The following SPIDR variants were observed in gnomAD, a reference collection of about 807,000 sequenced individuals.
SPIDR encodes scaffold protein involved in DNA repair.
A neutral mutation model predicts 104.6 loss-of-function variants in SPIDR; 93 were observed. That is an observed-to-expected ratio of 0.89 (90% CI 0.75 to 1.06). SPIDR has a LOEUF of 1.06. Ranked by LOEUF, SPIDR falls within the 50% of genes least tolerant of loss-of-function variation. SPIDR has a pLI of 0.00. For missense variants in SPIDR, 1,154 were observed against 1,111.2 expected (o/e 1.04, Z -0.55); for synonymous variants, 431 against 416.9 (o/e 1.03, Z -0.41).
intron 10 of SPIDR, among the ~76,000 whole-genome samples, chr8:47,617,102 T>G (rs1360492086): frequency 6.6e-6 from 1 of 152,232 alleles, no homozygotes; most frequent in Non-Finnish European, 1.5e-5. Flanking sequence ...AAATTCCATT[T>G]TCATTACATC....
chr8:47,527,367 C>G (rs1195385419), intron 8 of SPIDR: 1 of 152,172 alleles, frequency 6.6e-6, no homozygotes, highest in Admixed American at 6.5e-5. Context: ...GATCTCAGCC[C>G]AGAGGCACAG....
chr8:47,297,161 A>G (rs1586522433), intron 5 of SPIDR, among the ~76,000 whole-genome samples: 1 of 152,138 alleles, frequency 6.6e-6, no homozygotes, highest in African/African-American at 2.4e-5. Flanking sequence ...ACATCAGCAA[A>G]CAGATGATTT....
chr8:47,440,824 T>C (rs2069281855), intron 8 of SPIDR, among the ~76,000 whole-genome samples: 1 of 152,204 alleles, frequency 6.6e-6, no homozygotes, highest in African/African-American at 2.4e-5. Context: ...CTGGCTGTTT[T>C]TGTTTTTATA....
At chr8:47,347,246 G>C (rs2052315645) in intron 5 of SPIDR, among the ~76,000 whole-genome samples, 2 of 152,184 alleles carry the variant, frequency 1.3e-5, no homozygotes, top group Non-Finnish European at 2.9e-5. Context: ...TTTCCATGTA[G>C]TTGAGCAGTT....
At chr8:47,299,478 C>A (rs2041599482) in intron 5 of SPIDR, among the ~76,000 whole-genome samples, 2 of 152,198 alleles carry the variant, frequency 1.3e-5, no homozygotes, top group African/African-American at 4.8e-5. Flanking sequence ...CCAGAACTTC[C>A]AACACTATGT....
At chr8:47,393,964 G>A (rs2060946593) in intron 5 of SPIDR, among the ~76,000 whole-genome samples, 2 of 151,690 alleles carry the variant, frequency 1.3e-5, no homozygotes, top group Non-Finnish European at 2.9e-5. Flanking sequence ...GAGTGCAGTG[G>A]TGTGATCTTA....
At chr8:47,569,044 T>C (rs2058217632) in intron 8 of SPIDR, among the ~76,000 whole-genome samples, 2 of 152,124 alleles carry the variant, frequency 1.3e-5, no homozygotes, top group South Asian at 4.1e-4. Context: ...ACTTTACATA[T>C]GAGGACAGAA....
At chr8:47,331,989 C>CTTTTTTTTTTTTTT (rs1289524835) in intron 5 of SPIDR, among the ~76,000 whole-genome samples, 4 of 36,324 alleles carry the variant, frequency 1.1e-4, no homozygotes, top group Non-Finnish European at 2.2e-4. Context: ...TTTTTTTTCT[C>CTTTTTTTTTTTTTT]TTTTTTTTTT....
At chr8:47,265,006 T>C (rs2033595835) in intron 1 of SPIDR, among the ~76,000 whole-genome samples, 5 of 152,140 alleles carry the variant, frequency 3.3e-5, no homozygotes, top group Admixed American at 3.3e-4. Flanking sequence ...TTTCAGCTTC[T>C]TGAACAAGAA....
intron 8 of SPIDR, among the ~76,000 whole-genome samples, chr8:47,578,224 G>A (rs773022307): frequency 4.6e-5 from 7 of 152,176 alleles, no homozygotes; most frequent in Non-Finnish European, 1.0e-4. Context: ...TGTAATCCCA[G>A]CACTTTGGGA....
At chr8:47,306,430 C>T (rs905115421) in intron 5 of SPIDR, among the ~76,000 whole-genome samples, 6 of 152,132 alleles carry the variant, frequency 3.9e-5, no homozygotes, top group Admixed American at 6.6e-5. Flanking sequence ...CATGAGCCAC[C>T]GAGCCCGGCT....
chr8:47,499,329 A>G (rs192665628), intron 8 of SPIDR, among the ~76,000 whole-genome samples: 2 of 152,302 alleles, frequency 1.3e-5, no homozygotes, highest in Non-Finnish European at 1.5e-5. Flanking sequence ...TGACGGATGT[A>G]TGTTTGCACC....
chr8:47,291,937 C>A (rs923211833), intron 4 of SPIDR, among the ~76,000 whole-genome samples: 119 of 152,218 alleles, frequency 7.8e-4, no homozygotes, highest in Middle Eastern at 6.8e-3. Flanking sequence ...CCAGATGATT[C>A]TTTGCTATGG....
chr8:47,624,646 A>G (rs1326161306), intron 10 of SPIDR, among the ~76,000 whole-genome samples: 5 of 152,192 alleles, frequency 3.3e-5, no homozygotes, highest in Admixed American at 6.5e-5. Flanking sequence ...GAAGAAATGG[A>G]TACATTCCTC....
chr8:47,625,831 C>A (rs973028223), intron 10 of SPIDR, among the ~76,000 whole-genome samples: 2 of 152,174 alleles, frequency 1.3e-5, no homozygotes, highest in Non-Finnish European at 2.9e-5. Context: ...TTTATAGATT[C>A]AGTGCCATCC....
chr8:47,563,419 G>A (rs922697299), intron 8 of SPIDR, among the ~76,000 whole-genome samples: 1 of 151,710 alleles, frequency 6.6e-6, no homozygotes, highest in Non-Finnish European at 1.5e-5. Context: ...GCTATTCTTC[G>A]CCTCAGCCTC....
Position 47,440,319 on chromosome 8 carries a change from C to G in SPIDR, c.878-4C>G. The stretch of plus-strand genomic sequence containing the variant: ...TTTGCTTTGTTCTTTTCTTCAACTT[C>G]TAGGTAGAAAATCTGGTGTATTAAC... On this transcript the variant is annotated splice_region_variant and splice_polypyrimidine_tract_variant and intron_variant, in intron 7 of 19. Transcript: ENST00000297423. 2 of 1,612,796 alleles carry G rather than the reference C, an allele frequency of 1.2e-6. No homozygotes were observed. The highest frequency in any genetic ancestry group is 1.1e-5 in the South Asian group (1 of 91,042).
At chr8:47,578,151 T>C (rs557939278) in intron 8 of SPIDR, among the ~76,000 whole-genome samples, 1 of 152,284 alleles carries the variant, frequency 6.6e-6, no homozygotes, top group South Asian at 2.1e-4. Context: ...TTGAATCTCA[T>C]TATAAAGGTT....
chr8:47,511,496 C>T, intron 8 of SPIDR: 1 of 779,008 alleles, frequency 1.3e-6, no homozygotes, highest in Non-Finnish European at 2.4e-6. Context: ...GCTGGCACCT[C>T]CCTTCTGTGG....
Sources: gnomAD v4.1 joint callset for allele counts (sites outside exome capture counted in the v4.1 genomes callset) on GRCh38, gnomAD v4.1.1 for gene constraint, MANE v1.5 for transcripts, NCBI Gene and HGNC (gene_info 2026-07-23, HGNC 2026-07-21) for gene names.